The following IGF2BP3 variants were observed in gnomAD, a reference collection of about 807,000 sequenced individuals.
IGF2BP3 encodes insulin-like growth factor 2 mRNA-binding protein 3.
In IGF2BP3, 9 loss-of-function variants were observed where a neutral mutation model predicts 73.8. The observed-to-expected ratio is 0.12, with a 90% CI of 0.07 to 0.21. IGF2BP3 has a LOEUF of 0.21. Among genes scored for constraint, IGF2BP3 ranks in the 10% least tolerant of loss-of-function variants. The pLI, the probability that IGF2BP3 is intolerant of heterozygous loss-of-function variation, is 1.00. For synonymous variants in IGF2BP3, 258 were observed against 256.7 expected (o/e 1.01, Z -0.05); for missense variants, 542 against 714.0 (o/e 0.76, Z 2.75).
At chr7:23,393,691 G>A (rs1786356816) in intron 3 of IGF2BP3, among the ~76,000 whole-genome samples, 1 of 152,238 alleles carries the variant, frequency 6.6e-6, no homozygotes, top group Non-Finnish European at 1.5e-5. Context: ...AAACATGGAA[G>A]TTGAAATGAA....
chr7:23,450,397 G>T (rs1434341467), intron 2 of IGF2BP3, among the ~76,000 whole-genome samples: 4 of 152,276 alleles, frequency 2.6e-5, no homozygotes, highest in African/African-American at 9.6e-5. Context: ...GGAATAAAAT[G>T]AGTCTGTCAC....
chr7:23,373,708 G>A (rs1364090252), intron 3 of IGF2BP3, among the ~76,000 whole-genome samples: 2 of 152,134 alleles, frequency 1.3e-5, no homozygotes, highest in African/African-American at 4.8e-5. Flanking sequence ...GTATTGATAT[G>A]GTTTGAACAT....
chr7:23,352,236 C>T (rs1784980714), intron 5 of IGF2BP3, among the ~76,000 whole-genome samples: 3 of 151,552 alleles, frequency 2.0e-5, no homozygotes, highest in Admixed American at 2.0e-4. Context: ...AAGAGTGTGC[C>T]CATTCTACCA....
At chr7:23,313,278 G>C (rs1023340218) in intron 13 of IGF2BP3, among the ~76,000 whole-genome samples, 1 of 152,186 alleles carries the variant, frequency 6.6e-6, no homozygotes, top group African/African-American at 2.4e-5. Context: ...TCAGGAGAAC[G>C]TTAAATGCCC....
In IGF2BP3 at chr7:23,446,193, G is replaced by A. The variant is rs76425471; in HGVS notation, c.236+22289C>T. Among the ~76,000 whole-genome samples, 109 of 152,228 alleles carry A rather than the reference G, an allele frequency of 7.2e-4. 2 individuals carry two copies. The East Asian group carries it at 0.02, about 28-fold the overall frequency. ...ACAACTGTAACATGTTATAATCTAT[G>A]CAATAAGATTCCATGAGTCTAATAT... On this transcript the variant is annotated intron_variant, in intron 2 of 14. Transcript: ENST00000258729.
chr7:23,404,756 G>C (rs1230931275), intron 3 of IGF2BP3, among the ~76,000 whole-genome samples: 1 of 151,440 alleles, frequency 6.6e-6, no homozygotes, highest in Non-Finnish European at 1.5e-5. Flanking sequence ...AATACGGCAA[G>C]TGGGGGGTGG....
At chr7:23,318,084 T>A (rs1784040552) in intron 11 of IGF2BP3, among the ~76,000 whole-genome samples, 1 of 152,176 alleles carries the variant, frequency 6.6e-6, no homozygotes, top group Non-Finnish European at 1.5e-5. Flanking sequence ...TGGGTCTGTC[T>A]CCATTGCCTG....
At chr7:23,360,454 T>C (rs993848489) in intron 5 of IGF2BP3, among the ~76,000 whole-genome samples, 1 of 152,228 alleles carries the variant, frequency 6.6e-6, no homozygotes, top group Non-Finnish European at 1.5e-5. Context: ...GTTTTCCACA[T>C]GGTTATCTCC....
At chr7:23,450,298 A>T (rs1788168118) in intron 2 of IGF2BP3, among the ~76,000 whole-genome samples, 2 of 152,218 alleles carry the variant, frequency 1.3e-5, no homozygotes, top group Admixed American at 1.3e-4. Flanking sequence ...TGCAAGACGA[A>T]CCAGTCAAGC....
intron 2 of IGF2BP3, among the ~76,000 whole-genome samples, chr7:23,437,078 G>T (rs1787823646): frequency 6.6e-6 from 1 of 151,768 alleles, no homozygotes; most frequent in Non-Finnish European, 1.5e-5. Context: ...GAGATCGTGC[G>T]ACTGCACTCC....
intron 2 of IGF2BP3, among the ~76,000 whole-genome samples, chr7:23,460,201 A>AAAAAAAAAAAAAAAC (rs34563888): frequency 6.8e-6 from 1 of 146,910 alleles, no homozygotes; most frequent in Non-Finnish European, 1.5e-5. Flanking sequence ...AAAAAACAAA[A>AAAAAAAAAAAAAAAC]ACGAAAGTGA....
At chr7:23,442,391 C>T (rs936689087) in intron 2 of IGF2BP3, among the ~76,000 whole-genome samples, 2 of 145,072 alleles carry the variant, frequency 1.4e-5, no homozygotes, top group Admixed American at 1.4e-4. Flanking sequence ...CATAGAATAA[C>T]ATTCCATTTT....
At chr7:23,400,495 C>T (rs986869541) in intron 3 of IGF2BP3, among the ~76,000 whole-genome samples, 1 of 152,122 alleles carries the variant, frequency 6.6e-6, no homozygotes, top group Non-Finnish European at 1.5e-5. Flanking sequence ...GCCACACCAA[C>T]ATTACAACCA....
At chr7:23,394,978 T>C (rs1786402802) in intron 3 of IGF2BP3, among the ~76,000 whole-genome samples, 2 of 152,152 alleles carry the variant, frequency 1.3e-5, no homozygotes, top group African/African-American at 4.8e-5. Context: ...TTGATGGGCA[T>C]CAGATTTGCT....
At chr7:23,434,641 T>C (rs180786902) in intron 2 of IGF2BP3, among the ~76,000 whole-genome samples, 163 of 152,324 alleles carry the variant, frequency 1.1e-3, no homozygotes, top group African/African-American at 3.9e-3. Flanking sequence ...AACTCAACTC[T>C]TTCTTTTCTC....
At chr7:23,352,756 C>T (rs761064279) in intron 5 of IGF2BP3, among the ~76,000 whole-genome samples, 1 of 152,132 alleles carries the variant, frequency 6.6e-6, no homozygotes, top group African/African-American at 2.4e-5. Flanking sequence ...GTCACTGCCC[C>T]CCTACCCCTT....
At chr7:23,440,822 T>C (rs1453309333) in intron 2 of IGF2BP3, among the ~76,000 whole-genome samples, 2 of 152,188 alleles carry the variant, frequency 1.3e-5, no homozygotes, top group African/African-American at 4.8e-5. Context: ...TCCCACATCA[T>C]ATACATAAAC....
intron 3 of IGF2BP3, among the ~76,000 whole-genome samples, chr7:23,405,627 T>G (rs552860801): frequency 1.3e-5 from 2 of 152,274 alleles, no homozygotes; most frequent in African/African-American, 4.8e-5. Context: ...CAGCGTTAGA[T>G]TCTCATGGAA....
At chr7:23,426,224 G>A (rs1241607559) in intron 2 of IGF2BP3, among the ~76,000 whole-genome samples, 1 of 151,374 alleles carries the variant, frequency 6.6e-6, no homozygotes, top group Non-Finnish European at 1.5e-5. Flanking sequence ...CTAATTGGGA[G>A]GCTGAGGCAG....
Sources: gnomAD v4.1 joint callset for allele counts (sites outside exome capture counted in the v4.1 genomes callset) on GRCh38, gnomAD v4.1.1 for gene constraint, MANE v1.5 for transcripts, NCBI Gene and HGNC (gene_info 2026-07-23, HGNC 2026-07-21) for gene names.